Variants in ANK3 observed in about 807,000 individuals in gnomAD.
ANK3 encodes the protein ankyrin-3.
ANK3 carries 57 observed loss-of-function variants against 370.9 expected under a neutral mutation model. The ratio of observed to expected loss-of-function variants is 0.15; its 90% CI spans 0.12 to 0.19. ANK3 has a LOEUF of 0.19. ANK3 is among the 10% of genes least tolerant of loss of function. The pLI, the probability that ANK3 is intolerant of heterozygous loss-of-function variation, is 1.00. For missense variants in ANK3, 4,439 were observed against 5,302.1 expected, an observed-to-expected ratio of 0.84 and a Z score of 5.06; for synonymous variants, 1,929 against 1,946.3, an observed-to-expected ratio of 0.99 and a Z score of 0.23.
chr10:60,289,381 C>T (rs1219423156), intron 1 of ANK3, among the ~76,000 whole-genome samples: 5 of 150,984 alleles, frequency 3.3e-5, no homozygotes, highest in African/African-American at 1.2e-4. Flanking sequence ...TTCTTCTTCT[C>T]CCCTCCCCCT....
chr10:60,063,115 A>G lies in ANK3; in HGVS notation c.12591T>C (p.Val4197=), dbSNP rs1356096353. 3 of 1,610,688 alleles carry G rather than the reference A, an allele frequency of 1.9e-6. No homozygotes were observed. Among genetic ancestry groups the G allele is most frequent in the Middle Eastern group, 1.6e-4 (1 of 6,064 alleles). ...ATGAACACTAAATTCGATTACCATCAACAGGGTCATGGAAAACATTGTTCT... is the reference window on the plus strand; with the variant it reads ...ATGAACACTAAATTCGATTACCATCGACAGGGTCATGGAAAACATTGTTCT... ...ADENNVFHDP[V]DGWQNETSSG... Residue 4197 remains valine (V), a synonymous_variant, in exon 40 of 44, where the codon GTT becomes GTC. Coordinates refer to ENST00000280772, the MANE Select transcript of ANK3 (RefSeq NM_020987.5).
chr10:60,055,682 C>G lies in ANK3; in HGVS notation c.13041G>C (p.Glu4347Asp), dbSNP rs149387337. 1.7e-5 allele frequency: 27 copies of G among 1,612,726 alleles called. No individual in the cohort carries two copies. The highest frequency in any genetic ancestry group is 4.0e-5 in the African/African-American group (3 of 74,754). Residue 4347 changes from glutamate (E) to aspartate (D), a missense_variant, in exon 42 of 44, where the codon GAG becomes GAC. Around this residue, in one of 13 missense-constraint regions of ANK3, gnomAD observed 242 missense variants for 228.0 expected, o/e 1.06. Transcript: ENST00000280772. ...GKPRLSLHEE[E>D]GSSGSEQKQG... ...CCTTTTGCTCAGACCCACTGGACCC[C>G]TCTTCTTCATGGAGGCTAAGCCTTG...
At chr10:60,555,923 T>C (rs928272995) in intron 2 of ANK3, among the ~76,000 whole-genome samples, 1 of 152,228 alleles carries the variant, frequency 6.6e-6, no homozygotes, top group African/African-American at 2.4e-5. Context: ...AATTGTTTGA[T>C]GTCAACTTCC....
At chr10:60,385,028 C>G (rs546136209) in intron 1 of ANK3, among the ~76,000 whole-genome samples, 3 of 152,254 alleles carry the variant, frequency 2.0e-5, no homozygotes, top group East Asian at 1.9e-4. Flanking sequence ...TGCTACAACA[C>G]GGATGCTTGA....
chr10:60,637,598 T>C (rs2078572323), intron 1 of ANK3, among the ~76,000 whole-genome samples: 1 of 152,166 alleles, frequency 6.6e-6, no homozygotes, highest in African/African-American at 2.4e-5. Flanking sequence ...ATTTTTAACA[T>C]GGCCTTCTCT....
chr10:60,093,760 C>G (rs1462801981), intron 28 of ANK3, among the ~76,000 whole-genome samples: 1 of 152,164 alleles, frequency 6.6e-6, no homozygotes, highest in South Asian at 2.1e-4. Context: ...TGAACATGTA[C>G]ATTTCAGATG....
At chr10:60,490,176 A>T (rs2075456521) in intron 2 of ANK3, among the ~76,000 whole-genome samples, 1 of 152,172 alleles carries the variant, frequency 6.6e-6, no homozygotes, top group South Asian at 2.1e-4. Flanking sequence ...CCATTTTATT[A>T]TTCAAAGCAT....
intron 7 of ANK3, among the ~76,000 whole-genome samples, chr10:60,254,556 C>T (rs532016066): frequency 2.0e-5 from 3 of 152,302 alleles, no homozygotes; most frequent in Admixed American, 6.5e-5. Flanking sequence ...CAAAGCTTGG[C>T]GATAGACTTT....
chr10:60,186,347 C>CTCTCTTTTTT (rs565262395), intron 17 of ANK3, among the ~76,000 whole-genome samples: 9 of 133,264 alleles, frequency 6.8e-5, no homozygotes, highest in African/African-American at 2.5e-4. Flanking sequence ...ATCTTTCTGT[C>CTCTCTTTTTT]TTTTTTTTTT....
At chr10:60,181,522 A>G in intron 17 of ANK3, 95 bp from the exon 18 acceptor site, 1 of 1,179,744 alleles carries the variant, frequency 8.5e-7, no homozygotes, top group Non-Finnish European at 1.3e-6. Context: ...TAAGATGGTA[A>G]GCCGAGAATT....
intron 1 of ANK3, among the ~76,000 whole-genome samples, chr10:60,363,079 CGGGCGGGGGAGGG>C (rs1198154343): frequency 1.6e-5 from 1 of 61,062 alleles, no homozygotes; most frequent in African/African-American, 1.3e-4. Flanking sequence ...TTGCGGCGGG[CGGGCGGGGGAGGG>C]GGGCGGGGGG....
chr10:60,547,371 G>A (rs553381821), intron 2 of ANK3, among the ~76,000 whole-genome samples: 46 of 151,894 alleles, frequency 3.0e-4, no homozygotes, highest in Admixed American at 5.9e-4. Flanking sequence ...GATTACAGGC[G>A]TGAGCCATCG....
intron 25 of ANK3, among the ~76,000 whole-genome samples, chr10:60,117,893 C>G (rs540254194): frequency 1.3e-5 from 2 of 152,216 alleles, no homozygotes; most frequent in South Asian, 4.1e-4. Flanking sequence ...AGATAAGCAT[C>G]AAATACAGAT....
chr10:60,606,364 A>T (rs1000796599), intron 2 of ANK3, among the ~76,000 whole-genome samples: 13 of 151,802 alleles, frequency 8.6e-5, no homozygotes, highest in Non-Finnish European at 1.8e-4. Context: ...TTTTTTTTTT[A>T]AAGTACACAG....
chr10:60,375,515 G>A (rs1229177634), intron 1 of ANK3, among the ~76,000 whole-genome samples: 1 of 152,030 alleles, frequency 6.6e-6, no homozygotes, highest in Non-Finnish European at 1.5e-5. Context: ...AGGGGGGAAG[G>A]ACTGGTTTAT....
chr10:60,363,609 T>C (rs1295157292), intron 1 of ANK3, among the ~76,000 whole-genome samples: 1 of 152,234 alleles, frequency 6.6e-6, no homozygotes, highest in Non-Finnish European at 1.5e-5. Flanking sequence ...CTTCTCCGAC[T>C]GTGATGGCCC....
intron 36 of ANK3, among the ~76,000 whole-genome samples, chr10:60,077,278 A>T (rs948296068): frequency 3.9e-5 from 6 of 152,238 alleles, no homozygotes; most frequent in African/African-American, 1.4e-4. Context: ...AGAAAACATA[A>T]TATGAAATGA....
chr10:60,083,816 A>G, intron 32 of ANK3, 199 bp from the exon 33 acceptor site: 1 of 507,254 alleles, frequency 2.0e-6, no homozygotes, highest in Non-Finnish European at 3.5e-6. Flanking sequence ...AATCCATATC[A>G]TGGACATATA....
rs113484205 is a variant in ANK3, at chr10:60,729,277, G to GA, written c.57+3985dup. 4.7e-3 allele frequency among the ~76,000 whole-genome samples: 711 copies of GA among 152,160 alleles called. 8 individuals carry two copies. Among genetic ancestry groups the GA allele is most frequent in the African/African-American group, 0.017 (687 of 41,514 alleles). ...GATTCCCTATAAAGCATCATGACAT[G>GA]AAAAAAGTGGGGAAAGAGAAGCCCT... On this transcript the variant is annotated intron_variant, in intron 1 of 43. Coordinates refer to the ANK3 transcript ENST00000373827.
Sources: gnomAD v4.1 joint callset for allele counts (sites outside exome capture counted in the v4.1 genomes callset) on GRCh38, gnomAD v4.1.1 for gene constraint, gnomAD v4.1.1 regional missense constraint, MANE v1.5 for transcripts, NCBI Gene and HGNC (gene_info 2026-07-23, HGNC 2026-07-21) for gene names.